The following RNF180 variants were observed in gnomAD, a reference collection of about 807,000 sequenced individuals.
The protein encoded by RNF180 is ring finger protein 180, also known as E3 ubiquitin-protein ligase RNF180.
Under a neutral mutation model 59.2 loss-of-function variants are expected in RNF180, and 38 were observed. That is an observed-to-expected ratio of 0.64 (90% CI 0.50 to 0.84). RNF180 has a LOEUF of 0.84. Among genes scored for constraint, RNF180 ranks in the 40% least tolerant of loss-of-function variants. The pLI is 0.00. For missense variants in RNF180, 705 were observed against 700.9 expected (o/e 1.01, Z -0.07); for synonymous variants, 262 against 240.3 (o/e 1.09, Z -0.84).
In RNF180 at chr5:64,192,940, A is replaced by ATATATATATAT. The variant is rs1561179048; in HGVS notation, c.1-7868_1-7867insTATATATATAT. 1.8e-3 allele frequency among the ~76,000 whole-genome samples: 127 copies of ATATATATATAT among 69,912 alleles called. 3 individuals are homozygous for ATATATATATAT. Among genetic ancestry groups the ATATATATATAT allele is most frequent in the African/African-American group, 6.3e-3 (114 of 18,164 alleles). 45.9% of individuals were successfully genotyped at this position (69,912 alleles called of 152,430 possible). A position where few individuals can be genotyped will look rare whatever the true frequency, so the allele number is the denominator to read the frequency against. On this transcript the variant is annotated intron_variant, in intron 1 of 7. Transcript: ENST00000389100. ...ATATATATATATATATATATATATA[A>ATATATATATAT]AATGAAACATTCAGCATCGAAAAAG... is the stretch of plus-strand genomic sequence containing the variant.
intron 6 of RNF180, among the ~76,000 whole-genome samples, chr5:64,327,951 T>G (rs1337402124): frequency 1.3e-5 from 2 of 152,180 alleles, no homozygotes; most frequent in African/African-American, 2.4e-5. Context: ...TTCCAGTGTT[T>G]GGATACATTT....
chr5:64,264,629 A>G (rs912760796), intron 5 of RNF180, among the ~76,000 whole-genome samples: 16 of 152,142 alleles, frequency 1.1e-4, no homozygotes, highest in Non-Finnish European at 2.2e-4. Flanking sequence ...CCAGTCTATC[A>G]TTGATGGGCA....
chr5:64,302,289 T>C (rs527278735), intron 5 of RNF180, among the ~76,000 whole-genome samples: 1 of 151,666 alleles, frequency 6.6e-6, no homozygotes, highest in African/African-American at 2.4e-5. Context: ...CCCACTGATA[T>C]ATGTTGTGAA....
chr5:64,237,854 ACCCCGCTTTCACTCTC>A (rs1742541999), intron 5 of RNF180, among the ~76,000 whole-genome samples: 1 of 150,616 alleles, frequency 6.6e-6, no homozygotes, highest in African/African-American at 2.4e-5. Context: ...TTCCCCACCA[ACCCCGCTTTCACTCTC>A]CTGCTGCCAT....
At chr5:64,182,752 A>G (rs1471567952) in intron 1 of RNF180, among the ~76,000 whole-genome samples, 1 of 152,206 alleles carries the variant, frequency 6.6e-6, no homozygotes, top group Non-Finnish European at 1.5e-5. Flanking sequence ...GAAGAAAGGG[A>G]GAAAAGTACA....
At chr5:64,203,719 C>T (rs1441207638) in intron 2 of RNF180, among the ~76,000 whole-genome samples, 1 of 151,960 alleles carries the variant, frequency 6.6e-6, no homozygotes, top group African/African-American at 2.4e-5. Context: ...ATGGTTAAGT[C>T]TTAGCAGAAG....
At chr5:64,217,685 A>G in intron 5 of RNF180, 2 of 261,814 alleles carry the variant, frequency 7.6e-6, no homozygotes, top group Non-Finnish European at 1.3e-5. Context: ...GTGGCAGCTT[A>G]TGTCTATAAT....
chr5:64,225,173 G>C (rs1419739050), intron 5 of RNF180, among the ~76,000 whole-genome samples: 2 of 152,246 alleles, frequency 1.3e-5, no homozygotes, highest in Non-Finnish European at 2.9e-5. Context: ...AACCATTTTG[G>C]TCTGAGCTTA....
At chr5:64,227,395 G>A (rs1330018568) in intron 5 of RNF180, among the ~76,000 whole-genome samples, 9 of 152,178 alleles carry the variant, frequency 5.9e-5, no homozygotes, top group Non-Finnish European at 5.9e-5. Context: ...GGGGTCTGAA[G>A]GCTGCTGCCC....
intron 5 of RNF180, among the ~76,000 whole-genome samples, chr5:64,287,913 C>T (rs879546600): frequency 6.6e-6 from 1 of 152,166 alleles, no homozygotes; most frequent in Admixed American, 6.5e-5. Context: ...AATTAAATCA[C>T]ATTTGGCAAT....
chr5:64,204,848 C>T (rs943146352), intron 2 of RNF180, among the ~76,000 whole-genome samples: 2 of 152,074 alleles, frequency 1.3e-5, no homozygotes, highest in Admixed American at 6.6e-5. Context: ...TTATAATCAG[C>T]TTTATGTAGG....
intron 2 of RNF180, among the ~76,000 whole-genome samples, chr5:64,203,495 A>G (rs769532867): frequency 4.6e-4 from 70 of 152,180 alleles, no homozygotes; most frequent in Non-Finnish European, 7.6e-4. Flanking sequence ...TCCCCAGGCA[A>G]CATACCAATC....
At chr5:64,270,152 T>A (rs1741301562) in intron 5 of RNF180, among the ~76,000 whole-genome samples, 1 of 152,106 alleles carries the variant, frequency 6.6e-6, no homozygotes, top group Non-Finnish European at 1.5e-5. Context: ...GGTAAACCAT[T>A]GTATTAATAT....
intron 5 of RNF180, among the ~76,000 whole-genome samples, chr5:64,236,605 A>C (rs1742456408): frequency 6.6e-6 from 1 of 152,198 alleles, no homozygotes; most frequent in African/African-American, 2.4e-5. Context: ...GAATATTAAT[A>C]ACCAAGACAA....
intron 1 of RNF180, among the ~76,000 whole-genome samples, chr5:64,199,080 A>C (rs1057194433): frequency 6.6e-6 from 1 of 152,174 alleles, no homozygotes; most frequent in Non-Finnish European, 1.5e-5. Flanking sequence ...GGCCTCCCAG[A>C]GTGCTGGGAT....
intron 1 of RNF180, among the ~76,000 whole-genome samples, chr5:64,196,826 G>A (rs769687418): frequency 6.6e-6 from 1 of 151,882 alleles, no homozygotes; most frequent in Non-Finnish European, 1.5e-5. Flanking sequence ...ACAGTTTATA[G>A]GTTATAAAGA....
chr5:64,242,056 A>G (rs1742840335), intron 5 of RNF180, among the ~76,000 whole-genome samples: 1 of 152,300 alleles, frequency 6.6e-6, no homozygotes, highest in Non-Finnish European at 1.5e-5. Flanking sequence ...GGTTCCAGAA[A>G]GCCCTCAGTG....
chr5:64,227,950 G>A (rs931958401), intron 5 of RNF180, among the ~76,000 whole-genome samples: 3 of 152,104 alleles, frequency 2.0e-5, no homozygotes, highest in African/African-American at 7.2e-5. Context: ...TCACTTGCTG[G>A]TAGTGCTTCC....
intron 5 of RNF180, among the ~76,000 whole-genome samples, chr5:64,295,369 GT>G (rs1742828639): frequency 6.6e-6 from 1 of 152,200 alleles, no homozygotes; most frequent in Admixed American, 6.5e-5. Flanking sequence ...TCTCGTGTGT[GT>G]GTAACCTGTC....
Sources: allele counts gnomAD v4.1 joint callset (sites outside exome capture counted in the v4.1 genomes callset), GRCh38; gene constraint gnomAD v4.1.1; transcripts MANE v1.5; gene names NCBI Gene and HGNC (gene_info 2026-07-23, HGNC 2026-07-21).